The following ARHGAP23 variants were observed in gnomAD, a reference collection of about 807,000 sequenced individuals.
ARHGAP23 encodes the protein Rho GTPase activating protein 23.
Under a neutral mutation model 136.3 loss-of-function variants are expected in ARHGAP23, and 34 were observed. The observed-to-expected ratio is 0.25, with a 90% CI of 0.19 to 0.33. The LOEUF is 0.33. ARHGAP23 is among the 10% of genes least tolerant of loss of function. The pLI is 1.00. For missense variants in ARHGAP23, 1,808 were observed against 2,139.0 expected (o/e 0.85, Z 3.05); for synonymous variants, 832 against 920.5 (o/e 0.90, Z 1.74).
At chr17:38,451,421 T>C in intron 1 of ARHGAP23, 1 of 152,428 alleles carries the variant, frequency 6.6e-6, no homozygotes. Context: ...ATGTTGCGTC[T>C]CCACCTCTCT....
chr17:38,486,747 T>G (rs2040169492), intron 17 of ARHGAP23, among the ~76,000 whole-genome samples: 2 of 152,170 alleles, frequency 1.3e-5, no homozygotes, highest in African/African-American at 2.4e-5. Context: ...CTCTACAGAT[T>G]AGGAAACCAA....
chr17:38,464,144 A>G (rs1398419178), intron 6 of ARHGAP23, among the ~76,000 whole-genome samples: 1 of 152,092 alleles, frequency 6.6e-6, no homozygotes, highest in Non-Finnish European at 1.5e-5. Flanking sequence ...TGCCCATCTC[A>G]GCACGTGCGC....
In ARHGAP23 at chr17:38,421,816, A is replaced by G. The variant is rs971182064; in HGVS notation, n.120+2417A>G. On this transcript the variant is annotated intron_variant and non_coding_transcript_variant, in intron 1 of 4. Transcript: ENST00000633445. Reference sequence around the variant, plus strand: ...GGGGAGCAGCTGCAGGGGGATTTCCAGAGCTTCGACGGGGAGGTGGGAGCC... The same window carrying G: ...GGGGAGCAGCTGCAGGGGGATTTCCGGAGCTTCGACGGGGAGGTGGGAGCC... 4.6e-5 allele frequency among the ~76,000 whole-genome samples: 7 copies of G among 152,214 alleles called. 2 individuals carry two copies. Among genetic ancestry groups the G allele is most frequent in the East Asian group, 1.9e-4 (1 of 5,194 alleles).
intron 2 of ARHGAP23, among the ~76,000 whole-genome samples, chr17:38,459,248 C>T (rs990948344): frequency 6.6e-6 from 1 of 152,214 alleles, no homozygotes; most frequent in African/African-American, 2.4e-5. Context: ...ACTTCACTGT[C>T]TGTGTTCGTG....
intron 23 of ARHGAP23, among the ~76,000 whole-genome samples, chr17:38,505,561 C>T (rs1802239021): frequency 6.6e-6 from 1 of 152,180 alleles, no homozygotes; most frequent in Non-Finnish European, 1.5e-5. Flanking sequence ...TGACAGAGAA[C>T]TGGCTGTGAA....
At chr17:38,463,910 C>T (rs1301201560) in intron 6 of ARHGAP23, among the ~76,000 whole-genome samples, 4 of 152,050 alleles carry the variant, frequency 2.6e-5, no homozygotes, top group Non-Finnish European at 4.4e-5. Context: ...AGGCACGTGC[C>T]GCAATACAGA....
At chr17:38,446,244 A>G (rs114673894) in intron 1 of ARHGAP23, among the ~76,000 whole-genome samples, 8,128 of 131,910 alleles carry the variant, frequency 0.062, 269 homozygotes, top group Middle Eastern at 0.21. Context: ...GGGCTGGTCT[A>G]GAACTCCTGG....
intron 1 of ARHGAP23, among the ~76,000 whole-genome samples, chr17:38,447,437 GAA>G (rs71138625): frequency 4.8e-3 from 122 of 25,620 alleles, no homozygotes; most frequent in Non-Finnish European, 6.0e-3. Flanking sequence ...GACTCCGTCT[GAA>G]AAAAAAAAAA....
At chr17:38,485,169 T>A (rs2040132827) in intron 16 of ARHGAP23, among the ~76,000 whole-genome samples, 1 of 152,150 alleles carries the variant, frequency 6.6e-6, no homozygotes, top group African/African-American at 2.4e-5. Context: ...AATTATTTGT[T>A]GTGTGGGGTT....
chr17:38,510,563 G>A lies in ARHGAP23; in HGVS notation c.4067G>A (p.Arg1356Gln). Residue 1356 changes from arginine (R) to glutamine (Q), a missense_variant, in exon 24 of 24, where the codon CGG becomes CAG. Transcript: ENST00000622683. This position sits in a 1 kb window ranked among gnomAD's most constrained non-coding sequence, Gnocchi z 4.6. The stretch of plus-strand genomic sequence containing the variant: ...TCGTCCAGCAGCCAGGAGTCGCTGC[G>A]GCCCCCGGCGGCGGCGCTGGCCTCC... ...SASSSSQESLRPPAAALASRP... is the reference protein window; with the variant it reads ...SASSSSQESLQPPAAALASRP... The A allele has an allele frequency of 1.6e-6, 2 of 1,232,828 alleles. No individual in the cohort carries two copies. The highest frequency in any genetic ancestry group is 3.2e-5 in the South Asian group (1 of 30,832). 76.4% of individuals were successfully genotyped at this position (1,232,828 alleles called of 1,614,324 possible).
chr17:38,447,221 C>A, intron 1 of ARHGAP23, among the ~76,000 whole-genome samples: 1 of 151,978 alleles, frequency 6.6e-6, no homozygotes, highest in East Asian at 1.9e-4. Context: ...GCGGGTGGAT[C>A]ATTTGAGGTC....
chr17:38,453,419 G>A (rs534511771), intron 1 of ARHGAP23, among the ~76,000 whole-genome samples: 1,745 of 94,766 alleles, frequency 0.018, 27 homozygotes, highest in African/African-American at 0.069. Flanking sequence ...GCGCGTATGC[G>A]TGCGTGTGTG....
rs2039918661 is a variant in ARHGAP23 at position 38,477,370 on chromosome 17, G to C, written c.2119-209G>C. Among the ~76,000 whole-genome samples the C allele has an allele frequency of 6.6e-6, 1 of 152,006 alleles. No individual in the cohort carries two copies. Among genetic ancestry groups the C allele is most frequent in the East Asian group, 1.9e-4 (1 of 5,182 alleles). On this transcript the variant is annotated intron_variant, in intron 11 of 23. Transcript: ENST00000622683. The surrounding 1 kb of genome is among the most constrained non-coding windows in gnomAD (Gnocchi z 6.6). ...CTGCTGGGGGGCTTTAGGATGATGG[G>C]TAGGGGTGTCTAGGCAGGCAAGGGG...
intron 23 of ARHGAP23, among the ~76,000 whole-genome samples, chr17:38,507,791 G>A (rs1299192280): frequency 6.6e-6 from 1 of 152,226 alleles, no homozygotes; most frequent in Non-Finnish European, 1.5e-5. Flanking sequence ...CCACATGCCT[G>A]TGACTCCTGA....
intron 17 of ARHGAP23, among the ~76,000 whole-genome samples, chr17:38,486,798 T>C (rs2040170154): frequency 1.3e-5 from 2 of 152,088 alleles, no homozygotes; most frequent in Admixed American, 1.3e-4. Flanking sequence ...GTCGCACAGG[T>C]TGTAAATGGC....
Position 38,485,669 on chromosome 17 carries a change from C to A in ARHGAP23, c.2908-393C>A, listed in dbSNP as rs543172460. On this transcript the variant is annotated intron_variant, in intron 16 of 23. Transcript: ENST00000622683. ...TTGTGTGGAGGCGGGGAGGAAAGTTCTGGTTGAGGAAACCAGCACATGCAG... is the reference window on the plus strand; with the variant it reads ...TTGTGTGGAGGCGGGGAGGAAAGTTATGGTTGAGGAAACCAGCACATGCAG... Among the ~76,000 whole-genome samples, 228 of 152,214 alleles carry A rather than the reference C, an allele frequency of 1.5e-3. 1 individual carries two copies. The highest frequency in any genetic ancestry group is 5.3e-3 in the African/African-American group (221 of 41,506).
At chr17:38,469,415 C>T (rs1407998498) in intron 8 of ARHGAP23, 109 bp from the exon 9 acceptor site, 19 of 1,459,830 alleles carry the variant, frequency 1.3e-5, no homozygotes, top group Middle Eastern at 2.0e-4. Flanking sequence ...GCTTCTCCTG[C>T]GGCCCCTTGG....
chr17:38,471,756 A>C, intron 10 of ARHGAP23, 107 bp from the exon 11 acceptor site: 1 of 1,304,256 alleles, frequency 7.7e-7, no homozygotes, highest in Non-Finnish European at 1.0e-6. Flanking sequence ...ATCGGGGTGT[A>C]GCACAGACAT....
intron 20 of ARHGAP23, among the ~76,000 whole-genome samples, chr17:38,493,225 T>TA (rs1446872100): frequency 1.4e-5 from 2 of 147,260 alleles, no homozygotes; most frequent in South Asian, 2.2e-4. Flanking sequence ...TTTTTTTTGA[T>TA]AGAGTCTCAG....
Sources: gnomAD v4.1 joint callset for allele counts (sites outside exome capture counted in the v4.1 genomes callset) on GRCh38, gnomAD v4.1.1 for gene constraint, Gnocchi (gnomAD v3.1) non-coding constraint, MANE v1.5 for transcripts, NCBI Gene and HGNC (gene_info 2026-07-23, HGNC 2026-07-21) for gene names.